The following MYBL1 variants were observed in gnomAD, a reference collection of about 807,000 sequenced individuals.
MYBL1 encodes MYB proto-oncogene like 1, also known as myb-related protein A.
Under a neutral mutation model 96.3 loss-of-function variants are expected in MYBL1, and 17 were observed. That is an observed-to-expected ratio of 0.18 (90% CI 0.12 to 0.26). MYBL1 has a LOEUF of 0.26. Ranked by LOEUF, MYBL1 falls within the 10% of genes least tolerant of loss-of-function variation. The pLI is 1.00. For synonymous variants in MYBL1, 282 were observed against 292.7 expected, an observed-to-expected ratio of 0.96 and a Z score of 0.37; for missense variants, 701 against 882.9, an observed-to-expected ratio of 0.79 and a Z score of 2.61.
chr8:66,592,392 G>A, intron 8 of MYBL1, 48 bp downstream of exon 8: 1 of 1,215,872 alleles, frequency 8.2e-7, no homozygotes, highest in Non-Finnish European at 1.2e-6. Flanking sequence ...ATGACAAAAA[G>A]CATATATGAA....
At chr8:66,611,967 T>C (rs1810547163) in intron 1 of MYBL1, among the ~76,000 whole-genome samples, 2 of 152,166 alleles carry the variant, frequency 1.3e-5, no homozygotes. Context: ...CATCCTATAT[T>C]TTTGTTATCT....
chr8:66,603,583 C>G (rs1810193111), intron 1 of MYBL1, among the ~76,000 whole-genome samples: 1 of 151,980 alleles, frequency 6.6e-6, no homozygotes, highest in Admixed American at 6.6e-5. Flanking sequence ...CTCAAACTCC[C>G]AGGCTCAGGC....
At chr8:66,602,559 T>C in intron 1 of MYBL1, 36 bp from the exon 2 acceptor site, 1 of 1,476,774 alleles carries the variant, frequency 6.8e-7, no homozygotes, top group South Asian at 1.2e-5. Context: ...ATCAAGAATT[T>C]TATTTAAATT....
intron 8 of MYBL1, among the ~76,000 whole-genome samples, chr8:66,584,339 T>C (rs1008570223): frequency 1.3e-5 from 2 of 152,120 alleles, no homozygotes; most frequent in African/African-American, 4.8e-5. Context: ...TTTCACCACT[T>C]CTATTCAACA....
At chr8:66,592,152 G>C (rs998960563) in intron 8 of MYBL1, among the ~76,000 whole-genome samples, 4 of 151,970 alleles carry the variant, frequency 2.6e-5, no homozygotes, top group African/African-American at 9.7e-5. Flanking sequence ...TGTAGTCCCA[G>C]CTACTTGAGA....
rs184694224 is a variant in MYBL1, at chr8:66,591,221, G to A, written c.867+1219C>T. On this transcript the variant is annotated intron_variant, in intron 8 of 15. Coordinates refer to ENST00000522677, the MANE Select transcript of MYBL1 (RefSeq NM_001080416.4). ...AAATTAGCTGGGAGTGGTGGCAGGCGCCTGCAGTCCCAGCTACTCAGAGGC... is the reference window on the plus strand; with the variant it reads ...AAATTAGCTGGGAGTGGTGGCAGGCACCTGCAGTCCCAGCTACTCAGAGGC... Among the ~76,000 whole-genome samples, 288 of 152,064 alleles carry A rather than the reference G, an allele frequency of 1.9e-3. 1 individual carries two copies. The highest frequency in any genetic ancestry group is 6.4e-3 in the African/African-American group (265 of 41,524).
intron 6 of MYBL1, 125 bp from the exon 7 acceptor site, chr8:66,593,319 T>C (rs1809725117): frequency 1.8e-6 from 1 of 555,156 alleles, no homozygotes; most frequent in South Asian, 2.8e-5. Flanking sequence ...CTGTATTAAT[T>C]TTGAAATGTT....
chr8:66,591,847 G>GTA (rs1485813603), intron 8 of MYBL1, among the ~76,000 whole-genome samples: 1 of 151,736 alleles, frequency 6.6e-6, no homozygotes, highest in Non-Finnish European at 1.5e-5. Flanking sequence ...ATATATGTGT[G>GTA]TATATTTATA....
At chr8:66,600,766 T>C (rs751830637) in intron 3 of MYBL1, among the ~76,000 whole-genome samples, 6 of 152,126 alleles carry the variant, frequency 3.9e-5, no homozygotes, top group Non-Finnish European at 5.9e-5. Flanking sequence ...CATATGACAA[T>C]ATAGAAAAAA....
chr8:66,579,387 T>G (rs1251775361), intron 9 of MYBL1, among the ~76,000 whole-genome samples: 3 of 152,076 alleles, frequency 2.0e-5, no homozygotes, highest in Non-Finnish European at 4.4e-5. Context: ...CCAGGCATGG[T>G]GGCTCATGCC....
At position 66,600,760 on chromosome 8, in the gene MYBL1, T is replaced by C. The variant is rs147614869; in HGVS notation, c.198+938A>G. Among the ~76,000 whole-genome samples the C allele has an allele frequency of 1.5e-3, 227 of 152,352 alleles. 2 individuals are homozygous for C. Among genetic ancestry groups the C allele is most frequent in the African/African-American group, 5.2e-3 (216 of 41,592 alleles). Reference sequence around the variant, plus strand: ...TTTTTGGGTTATGTTGAAAGTCATATGACAATATAGAAAAAACATAGTTAA... The same window carrying C: ...TTTTTGGGTTATGTTGAAAGTCATACGACAATATAGAAAAAACATAGTTAA... On this transcript the variant is annotated intron_variant, in intron 3 of 15. Coordinates refer to ENST00000522677, the MANE Select transcript of MYBL1 (RefSeq NM_001080416.4).
intron 5 of MYBL1, among the ~76,000 whole-genome samples, chr8:66,596,860 C>T (rs1397071944): frequency 2.6e-5 from 4 of 152,234 alleles, no homozygotes; most frequent in Admixed American, 2.6e-4. Context: ...TATACTACTT[C>T]CATGGTTTGG....
At chr8:66,569,940 C>T (rs185064299) in intron 12 of MYBL1, among the ~76,000 whole-genome samples, 2 of 151,938 alleles carry the variant, frequency 1.3e-5, no homozygotes, top group Non-Finnish European at 2.9e-5. Flanking sequence ...TAAGATATAC[C>T]TGATTAAAAT....
At chr8:66,604,772 T>C (rs1482080166) in intron 1 of MYBL1, among the ~76,000 whole-genome samples, 3 of 152,184 alleles carry the variant, frequency 2.0e-5, no homozygotes, top group Non-Finnish European at 2.9e-5. Flanking sequence ...GAAAGGATTT[T>C]GCAACTGATA....
At chr8:66,609,023 G>A (rs76564657) in intron 1 of MYBL1, among the ~76,000 whole-genome samples, 3,497 of 152,094 alleles carry the variant, frequency 0.023, 58 homozygotes, top group Non-Finnish European at 0.038. Flanking sequence ...CATAGACTGT[G>A]AATTAAAGTG....
At chr8:66,568,215 G>C (rs1227944612) in intron 12 of MYBL1, among the ~76,000 whole-genome samples, 2 of 152,112 alleles carry the variant, frequency 1.3e-5, no homozygotes, top group Admixed American at 6.6e-5. Context: ...TTCTCATCTA[G>C]ACTGAGACAT....
In MYBL1 at chr8:66,585,983, C is replaced by A. The variant is rs561220204; in HGVS notation, c.868-5617G>T. On this transcript the variant is annotated intron_variant, in intron 8 of 15. Coordinates refer to ENST00000522677, the MANE Select transcript of MYBL1 (RefSeq NM_001080416.4). ...ACAAAGGATTAATATCTAGACTAGA[C>A]AAAAAAATCAACAACAAAAAATACT... is the stretch of plus-strand genomic sequence containing the variant. Among the ~76,000 whole-genome samples the A allele has an allele frequency of 2.2e-3, 309 of 142,340 alleles. 1 individual carries two copies. The highest frequency in any genetic ancestry group is 7.4e-3 in the African/African-American group (284 of 38,560). 93.4% of individuals were successfully genotyped at this position (142,340 alleles called of 152,430 possible).
chr8:66,597,495 T>C lies in MYBL1; in HGVS notation c.347A>G (p.His116Arg). The change falls in exon 5 of 16, where the codon CAT becomes CGT. Residue 116 changes from histidine (H) to arginine (R), a missense_variant. Physicochemically the swap from His to Arg is conservative, Grantham distance 29. This residue lies in a region of MYBL1 where 37 missense variants were observed against 135.0 expected (regional missense o/e 0.27). Coordinates refer to ENST00000522677, the MANE Select transcript of MYBL1 (RefSeq NM_001080416.4). ...CTGCTTGCCTATTCTTCCTTTTAAATGTTTTGCAATTAAAGACCATCTTTT... is the reference window on the plus strand; with the variant it reads ...CTGCTTGCCTATTCTTCCTTTTAAACGTTTTGCAATTAAAGACCATCTTTT... ...GPKRWSLIAK[H>R]LKGRIGKQCR... The C allele has an allele frequency of 6.2e-7, 1 of 1,613,302 alleles. No homozygotes were observed. Among genetic ancestry groups the C allele is most frequent in the Non-Finnish European group, 8.5e-7 (1 of 1,179,556 alleles).
intron 15 of MYBL1, chr8:66,565,178 G>A: frequency 6.5e-6 from 1 of 153,622 alleles, no homozygotes; most frequent in Non-Finnish European, 1.4e-5. Context: ...AAGATTTAAA[G>A]AGAGGATGTA....
Sources: gnomAD v4.1 joint callset for allele counts (sites outside exome capture counted in the v4.1 genomes callset) on GRCh38, gnomAD v4.1.1 for gene constraint, gnomAD v4.1.1 regional missense constraint, MANE v1.5 for transcripts, NCBI Gene and HGNC (gene_info 2026-07-23, HGNC 2026-07-21) for gene names.